Variants in RHOBTB1 observed in about 807,000 individuals in gnomAD.
RHOBTB1 encodes the protein Rho related BTB domain containing 1, also known as rho-related BTB domain-containing protein 1.
A neutral mutation model predicts 71.6 loss-of-function variants in RHOBTB1; 40 were observed. The observed-to-expected ratio is 0.56, with a 90% CI of 0.43 to 0.73. The LOEUF (loss-of-function observed/expected upper bound fraction) is 0.73. Ranked by LOEUF, RHOBTB1 falls within the 30% of genes least tolerant of loss-of-function variation. The probability of loss-of-function intolerance (pLI) is 0.00; values close to 1 mark genes in which losing one functional copy is unlikely to be tolerated. For synonymous variants in RHOBTB1, 319 were observed against 334.9 expected (o/e 0.95, Z 0.52); for missense variants, 797 against 894.0 (o/e 0.89, Z 1.38).
chr10:60,966,660 CT>C (rs539296668), intron 2 of RHOBTB1, among the ~76,000 whole-genome samples: 2,461 of 145,498 alleles, frequency 0.017, 20 homozygotes, highest in African/African-American at 0.028. Context: ...TGAGAAACTT[CT>C]TTTTTTTTTG....
chr10:60,922,413 A>G (rs1010606772), intron 2 of RHOBTB1, among the ~76,000 whole-genome samples: 1 of 152,204 alleles, frequency 6.6e-6, no homozygotes, highest in African/African-American at 2.4e-5. Flanking sequence ...CTTAGTCTGT[A>G]TGGAGCCTCT....
At chr10:60,993,402 T>C (rs944490415) in intron 1 of RHOBTB1, among the ~76,000 whole-genome samples, 1 of 152,212 alleles carries the variant, frequency 6.6e-6, no homozygotes, top group Non-Finnish European at 1.5e-5. Flanking sequence ...TACTCAAGCT[T>C]TCTTCTTTTA....
rs745556636 is a variant in RHOBTB1 at position 60,888,298 on chromosome 10, G to C, written c.1370C>G (p.Ala457Gly). The C allele has an allele frequency of 6.2e-7, 1 of 1,614,066 alleles. No homozygotes were observed. The highest frequency in any genetic ancestry group is 2.2e-5 in the East Asian group (1 of 44,876). ...MMVENIMNKE[A>G]FMNQEITKAF... ...TTTCGTAATCTCCTGGTTCATGAAG[G>C]CTTCCTTGTTCATGATGTTTTCCAC... Residue 457 changes from alanine (A) to glycine (G), a missense_variant, in exon 6 of 11, where the codon GCC becomes GGC. Coordinates refer to ENST00000337910, the MANE Select transcript of RHOBTB1 (RefSeq NM_014836.5).
chr10:60,972,226 A>G (rs1250351059), intron 2 of RHOBTB1, among the ~76,000 whole-genome samples: 3 of 152,300 alleles, frequency 2.0e-5, no homozygotes, highest in East Asian at 3.9e-4. Flanking sequence ...TCTACTATAG[A>G]CACAAGCACA....
In RHOBTB1 at chr10:60,870,082, C is replaced by T. The variant is rs1200618956; in HGVS notation, c.*1400G>A. The stretch of plus-strand genomic sequence containing the variant: ...CCTCCCAACAGAATGAGCCCCACCC[C>T]CTGCCACATTAACATCCCATGGCAG... On this transcript the variant is annotated 3_prime_UTR_variant, in exon 11 of 11. Coordinates refer to ENST00000337910, the MANE Select transcript of RHOBTB1 (RefSeq NM_014836.5). 2 of 152,574 alleles carry T rather than the reference C, an allele frequency of 1.3e-5. No homozygotes were observed. The highest frequency in any genetic ancestry group is 2.4e-5 in the African/African-American group (1 of 41,450). 9.5% of individuals were successfully genotyped at this position (152,574 alleles called of 1,614,324 possible).
At position 60,871,422 on chromosome 10, in the gene RHOBTB1, G is replaced by T; in HGVS notation, c.*60C>A. ...AAGACGAATTTTATAGTAGTGCTTT[G>T]AAAAGTGGTGGATCAGATTACCGAT... On this transcript the variant is annotated 3_prime_UTR_variant, in exon 11 of 11. Coordinates refer to ENST00000337910, the MANE Select transcript of RHOBTB1 (RefSeq NM_014836.5). 1 of 1,549,070 alleles carries T rather than the reference G, an allele frequency of 6.5e-7. No homozygotes were observed. The highest frequency in any genetic ancestry group is 1.2e-5 in the South Asian group (1 of 82,332).
At chr10:60,935,133 A>C (rs1372765810) in intron 2 of RHOBTB1, among the ~76,000 whole-genome samples, 1 of 152,256 alleles carries the variant, frequency 6.6e-6, no homozygotes, top group East Asian at 1.9e-4. Context: ...AGGACTATTT[A>C]TACAATGGAA....
chr10:61,000,994 T>C (rs2087243913), intron 1 of RHOBTB1, among the ~76,000 whole-genome samples: 1 of 152,142 alleles, frequency 6.6e-6, no homozygotes, highest in Non-Finnish European at 1.5e-5. Flanking sequence ...CTTTTCTGAC[T>C]GACAGTGACT....
At chr10:60,947,899 T>C (rs1177440892), upstream of RHOBTB1, among the ~76,000 whole-genome samples, 1 of 152,186 alleles carries the variant, frequency 6.6e-6, no homozygotes, top group Non-Finnish European at 1.5e-5. Flanking sequence ...GCTAAACCAT[T>C]TTCCAGAATG....
chr10:60,984,675 C>T (rs537966042), intron 2 of RHOBTB1, among the ~76,000 whole-genome samples: 1 of 152,276 alleles, frequency 6.6e-6, no homozygotes, highest in Non-Finnish European at 1.5e-5. Flanking sequence ...GTTATTTATG[C>T]ACACATGGTA....
chr10:60,985,051 C>A (rs1371851408), intron 2 of RHOBTB1, among the ~76,000 whole-genome samples: 10 of 152,300 alleles, frequency 6.6e-5, no homozygotes, highest in African/African-American at 9.6e-5. Flanking sequence ...TATAATTCAG[C>A]TTTCCCACAA....
intron 2 of RHOBTB1, among the ~76,000 whole-genome samples, chr10:60,955,359 T>C (rs1780083743): frequency 6.8e-6 from 1 of 146,312 alleles, no homozygotes; most frequent in Non-Finnish European, 1.5e-5. Flanking sequence ...GAACCTTCTT[T>C]ATGGTTTTAA....
chr10:60,954,320 C>G (rs905318360), intron 2 of RHOBTB1, among the ~76,000 whole-genome samples: 3 of 152,146 alleles, frequency 2.0e-5, no homozygotes, highest in Non-Finnish European at 1.5e-5. Context: ...TTATTACACT[C>G]TTCATGTTGA....
In RHOBTB1 at chr10:60,871,291, TCCAGGCTCA is replaced by T; in HGVS notation, c.*182_*190del. Reference sequence around the variant, plus strand: ...CAGTGAGAGTCAGCTTCCCTTTTTGTCCAGGCTCATTGATGGTGAGCTTGTGCTTTGATC... The same window carrying T: ...CAGTGAGAGTCAGCTTCCCTTTTTGTTTGATGGTGAGCTTGTGCTTTGATC... On this transcript the variant is annotated 3_prime_UTR_variant, in exon 11 of 11. Coordinates refer to ENST00000337910, the MANE Select transcript of RHOBTB1 (RefSeq NM_014836.5). 3.7e-6 allele frequency: 2 copies of T among 535,560 alleles called. No individual in the cohort carries two copies. Among genetic ancestry groups the T allele is most frequent in the Middle Eastern group, 4.8e-4 (1 of 2,090 alleles). The allele number at this position is 535,560 out of a possible 1,614,324, so 33.2% of individuals were successfully genotyped here. A position where few individuals can be genotyped will look rare whatever the true frequency, so the allele number is the denominator to read the frequency against.
At chr10:60,886,723 G>T (rs982671255) in intron 6 of RHOBTB1, among the ~76,000 whole-genome samples, 11 of 142,408 alleles carry the variant, frequency 7.7e-5, no homozygotes, top group Admixed American at 4.9e-4. Context: ...GATGTGGGGG[G>T]GGGTGGGTCT....
At chr10:60,989,185 C>A (rs1255914076) in intron 1 of RHOBTB1, among the ~76,000 whole-genome samples, 1 of 117,332 alleles carries the variant, frequency 8.5e-6, no homozygotes, top group African/African-American at 3.2e-5. Flanking sequence ...ATGAAAAGAG[C>A]AAATGAGAGA....
At chr10:60,952,612 T>G (rs928872111) in intron 2 of RHOBTB1, among the ~76,000 whole-genome samples, 8 of 152,226 alleles carry the variant, frequency 5.3e-5, no homozygotes, top group Non-Finnish European at 1.0e-4. Flanking sequence ...CAGAGAAAGA[T>G]TCTACTTTCA....
chr10:60,887,204 A>G (rs986079935), intron 6 of RHOBTB1, among the ~76,000 whole-genome samples: 1 of 152,206 alleles, frequency 6.6e-6, no homozygotes, highest in African/African-American at 2.4e-5. Flanking sequence ...TAGGTTTGTA[A>G]CATATTCTTT....
At chr10:60,933,801 A>G (rs1241701008) in intron 2 of RHOBTB1, among the ~76,000 whole-genome samples, 1 of 152,166 alleles carries the variant, frequency 6.6e-6, no homozygotes, top group Non-Finnish European at 1.5e-5. Flanking sequence ...AAAAACTAAT[A>G]TATGTCCATC....
Sources: gnomAD v4.1 joint callset for allele counts (sites outside exome capture counted in the v4.1 genomes callset) on GRCh38, gnomAD v4.1.1 for gene constraint, MANE v1.5 for transcripts, NCBI Gene and HGNC (gene_info 2026-07-23, HGNC 2026-07-21) for gene names.